NCOA2: variants seen among roughly 807,000 people sequenced by gnomAD.
NCOA2 encodes class E basic helix-loop-helix protein 75.
Under a neutral mutation model 145.1 loss-of-function variants are expected in NCOA2, and 21 were observed. That is an observed-to-expected ratio of 0.14 (90% CI 0.10 to 0.21). The LOEUF is 0.21. Ranked by LOEUF, NCOA2 falls within the 10% of genes least tolerant of loss-of-function variation. The probability of loss-of-function intolerance (pLI) is 1.00; values close to 1 mark genes in which losing one functional copy is unlikely to be tolerated. For synonymous variants in NCOA2, 619 were observed against 637.5 expected, an observed-to-expected ratio of 0.97 and a Z score of 0.44; for missense variants, 1,472 against 1,837.6, an observed-to-expected ratio of 0.80 and a Z score of 3.64.
At chr8:70,395,246 T>C (rs772906834) in intron 1 of NCOA2, among the ~76,000 whole-genome samples, 18 of 152,204 alleles carry the variant, frequency 1.2e-4, no homozygotes, top group Non-Finnish European at 2.5e-4. Flanking sequence ...TGAATCATTA[T>C]TTATCATTCC....
In NCOA2 at chr8:70,156,118, T is replaced by C. The variant is rs1372179935; in HGVS notation, c.2247A>G (p.Leu749=). 13 of 1,613,884 alleles carry C rather than the reference T, an allele frequency of 8.1e-6. No individual in the cohort carries two copies. The African/African-American group carries it at 1.7e-4, about 22-fold the overall frequency. ...CAATATCTTTAGTATCATCTTTATC[T>C]AGCAAATAGCGAAGTAGTGCATTCT... ...KKENALLRYL[L]DKDDTKDIGL... The change falls in exon 11 of 23, where the codon CTA becomes CTG. Residue 749 remains leucine (L), a synonymous_variant. Transcript: ENST00000452400.
chr8:70,217,562 A>AC (rs1432183052), intron 2 of NCOA2, among the ~76,000 whole-genome samples: 2 of 151,118 alleles, frequency 1.3e-5, no homozygotes, highest in African/African-American at 2.4e-5. Context: ...AACTTTACTG[A>AC]CCCCCAAGTG....
chr8:70,424,547 C>T, the NCOA2 span: 1 of 527,640 alleles, frequency 1.9e-6, no homozygotes, highest in South Asian at 1.4e-5. Flanking sequence ...GCAAAATATG[C>T]TGGAATTTCT....
rs532004013 is a variant in NCOA2, at chr8:70,166,164, G to C, written c.730+402C>G. Among the ~76,000 whole-genome samples, 11 of 152,282 alleles carry C rather than the reference G, an allele frequency of 7.2e-5. No homozygotes were observed. In the East Asian group the frequency reaches 2.1e-3, roughly 29 times the overall value. On this transcript the variant is annotated intron_variant, in intron 7 of 22. Coordinates refer to ENST00000452400, the MANE Select transcript of NCOA2 (RefSeq NM_006540.4). ...GGGCTGTGGCTCACAGCTTGCACTA[G>C]ATGTTCAAAGAGCCTAGGATCCCTC...
chr8:70,337,016 C>T (rs893089194), intron 1 of NCOA2, among the ~76,000 whole-genome samples: 3 of 151,984 alleles, frequency 2.0e-5, no homozygotes, highest in Non-Finnish European at 4.4e-5. Flanking sequence ...ATAGGTGTCC[C>T]ACAAATATAT....
At chr8:70,356,886 T>A (rs1416424441) in intron 1 of NCOA2, among the ~76,000 whole-genome samples, 2 of 152,232 alleles carry the variant, frequency 1.3e-5, no homozygotes, top group Admixed American at 1.3e-4. Context: ...ACAGGGAACA[T>A]CATTAATCTA....
intron 21 of NCOA2, among the ~76,000 whole-genome samples, chr8:70,123,025 G>A (rs1175757037): frequency 2.0e-5 from 3 of 152,270 alleles, no homozygotes; most frequent in Middle Eastern, 3.4e-3. Context: ...AAGATCTTCT[G>A]TAAATACCAT....
At chr8:70,262,525 G>A (rs768556426) in intron 2 of NCOA2, among the ~76,000 whole-genome samples, 12 of 152,170 alleles carry the variant, frequency 7.9e-5, no homozygotes, top group Non-Finnish European at 1.5e-4. Context: ...GAGCTTGGCT[G>A]GTACTGCTGC....
chr8:70,387,447 T>C (rs1812765883), intron 1 of NCOA2, among the ~76,000 whole-genome samples: 1 of 152,230 alleles, frequency 6.6e-6, no homozygotes, highest in African/African-American at 2.4e-5. Flanking sequence ...ATTGAATCAC[T>C]TCATACGTCT....
At chr8:70,313,303 G>A (rs1050578851) in intron 1 of NCOA2, among the ~76,000 whole-genome samples, 6 of 152,032 alleles carry the variant, frequency 3.9e-5, no homozygotes, top group Non-Finnish European at 2.9e-5. Context: ...CCTTCCTCTA[G>A]GCAACGATGA....
intron 6 of NCOA2, 43 bp downstream of exon 6, chr8:70,170,159 G>C (rs557602815): frequency 6.4e-7 from 1 of 1,573,850 alleles, no homozygotes; most frequent in African/African-American, 1.4e-5. Flanking sequence ...CAGGGCAGGT[G>C]GGGGTGACGG....
chr8:70,157,224 C>T lies in NCOA2; in HGVS notation c.1141G>A (p.Val381Met). 1 of 1,552,742 alleles carries T rather than the reference C, an allele frequency of 6.4e-7. No individual in the cohort carries two copies. ...TGTCCAGTCAGATCCGGATTCATCA[C>T]ACACACATTCTGCTCTCTGTATAAC... ...HMLHREQNVCVMNPDLTGQTM... is the reference protein window; with the variant it reads ...HMLHREQNVCMMNPDLTGQTM... Residue 381 changes from valine to methionine, a missense_variant, in exon 11 of 23, where the codon GTG becomes ATG. Val to Met is a conservative substitution (Grantham distance 21). Around this residue, in one of 4 missense-constraint regions of NCOA2, gnomAD observed 953 missense variants for 1,062.1 expected, o/e 0.90. Transcript: ENST00000452400.
intron 12 of NCOA2, among the ~76,000 whole-genome samples, chr8:70,145,088 T>G (rs979173406): frequency 6.6e-6 from 1 of 152,256 alleles, no homozygotes; most frequent in Non-Finnish European, 1.5e-5. Flanking sequence ...CAAACACATG[T>G]ATATTATTTA....
At chr8:70,421,237 A>G in the NCOA2 span, among the ~76,000 whole-genome samples, 1 of 152,068 alleles carries the variant, frequency 6.6e-6, no homozygotes, top group Non-Finnish European at 1.5e-5. Flanking sequence ...GAGGGGAAAA[A>G]AGAATTAGTA....
chr8:70,454,001 T>C, the NCOA2 span, among the ~76,000 whole-genome samples: 1 of 152,340 alleles, frequency 6.6e-6, no homozygotes, highest in East Asian at 1.9e-4. Context: ...TCATTTAAAG[T>C]AACTCTCATT....
intron 1 of NCOA2, among the ~76,000 whole-genome samples, chr8:70,310,521 C>T (rs1332456624): frequency 1.3e-5 from 2 of 152,024 alleles, no homozygotes; most frequent in East Asian, 3.9e-4. Context: ...TGATTTCAGA[C>T]CATAAATTCA....
At chr8:70,372,656 A>G (rs987964639) in intron 1 of NCOA2, among the ~76,000 whole-genome samples, 2 of 152,200 alleles carry the variant, frequency 1.3e-5, no homozygotes, top group African/African-American at 2.4e-5. Context: ...AAATATACTG[A>G]TGTGTATAAA....
At chr8:70,319,565 A>AATAC (rs1049797083) in intron 1 of NCOA2, among the ~76,000 whole-genome samples, 2 of 151,984 alleles carry the variant, frequency 1.3e-5, no homozygotes, top group African/African-American at 4.8e-5. Context: ...TAAATAAATA[A>AATAC]ATAAAAGCTC....
At chr8:70,203,930 T>C (rs1292118739) in intron 4 of NCOA2, among the ~76,000 whole-genome samples, 1 of 152,110 alleles carries the variant, frequency 6.6e-6, no homozygotes, top group Non-Finnish European at 1.5e-5. Flanking sequence ...TCTAAAACAA[T>C]ATGTCTATTT....
Sources: allele counts gnomAD v4.1 joint callset (sites outside exome capture counted in the v4.1 genomes callset), GRCh38; gene constraint gnomAD v4.1.1; regional missense constraint gnomAD v4.1.1; transcripts MANE v1.5; gene names NCBI Gene and HGNC (gene_info 2026-07-23, HGNC 2026-07-21).